Variants in TAFA1 observed in about 807,000 individuals in gnomAD.
TAFA1 encodes TAFA chemokine like family member 1.
A neutral mutation model predicts 18.5 loss-of-function variants in TAFA1; 4 were observed. That is an observed-to-expected ratio of 0.22 (90% CI 0.11 to 0.49). TAFA1 has a LOEUF of 0.49. TAFA1 is among the 20% of genes least tolerant of loss of function. The pLI is 0.98. For synonymous variants in TAFA1, 56 were observed against 55.2 expected, an observed-to-expected ratio of 1.01 and a Z score of -0.06; for missense variants, 147 against 169.0, an observed-to-expected ratio of 0.87 and a Z score of 0.72.
At chr3:68,366,672 G>A (rs952270726) in intron 2 of TAFA1, among the ~76,000 whole-genome samples, 2 of 152,148 alleles carry the variant, frequency 1.3e-5, no homozygotes, top group African/African-American at 4.8e-5. Flanking sequence ...TCCAGCTTTG[G>A]ACTCGGGACA....
intron 2 of TAFA1, among the ~76,000 whole-genome samples, chr3:68,029,102 T>C (rs76574215): frequency 0.019 from 2,838 of 152,216 alleles, 98 homozygotes; most frequent in African/African-American, 0.065. Flanking sequence ...GCCACCTAGA[T>C]AATCAAGGGT....
At chr3:68,436,126 AC>A (rs138443155) in intron 3 of TAFA1, among the ~76,000 whole-genome samples, 2,196 of 152,290 alleles carry the variant, frequency 0.014, 64 homozygotes, top group African/African-American at 0.05. Flanking sequence ...CTTGCTGAAA[AC>A]AAAATTATTT....
At chr3:68,429,491 A>G (rs1203364452) in intron 3 of TAFA1, among the ~76,000 whole-genome samples, 1 of 151,888 alleles carries the variant, frequency 6.6e-6, no homozygotes, top group Non-Finnish European at 1.5e-5. Flanking sequence ...TGGGCAGAAG[A>G]CAGGATCAGA....
chr3:68,388,556 T>G (rs1559646783), intron 2 of TAFA1, among the ~76,000 whole-genome samples: 1 of 150,284 alleles, frequency 6.7e-6, no homozygotes, highest in Non-Finnish European at 1.5e-5. Flanking sequence ...TTGCCACCTA[T>G]GACGTTTTTT....
intron 2 of TAFA1, among the ~76,000 whole-genome samples, chr3:68,078,093 A>G (rs2064849753): frequency 2.6e-5 from 4 of 151,990 alleles, no homozygotes; most frequent in African/African-American, 9.7e-5. Context: ...GAGTTCACTC[A>G]TGATTTGGCT....
intron 2 of TAFA1, among the ~76,000 whole-genome samples, chr3:68,019,484 C>G (rs1475246469): frequency 6.6e-6 from 1 of 152,108 alleles, no homozygotes; most frequent in African/African-American, 2.4e-5. Flanking sequence ...ATCATTCACA[C>G]TGGAAAAGAA....
At chr3:68,059,814 G>A (rs1407540492) in intron 2 of TAFA1, among the ~76,000 whole-genome samples, 3 of 152,114 alleles carry the variant, frequency 2.0e-5, no homozygotes, top group African/African-American at 7.2e-5. Flanking sequence ...ACTCATTTGG[G>A]AATTATTAAC....
intron 2 of TAFA1, among the ~76,000 whole-genome samples, chr3:68,295,643 G>C (rs1161139291): frequency 6.6e-6 from 1 of 152,134 alleles, no homozygotes; most frequent in Non-Finnish European, 1.5e-5. Flanking sequence ...GTCTTTCTCT[G>C]TCACCCAGGC....
At chr3:68,256,757 G>A (rs370708270) in intron 2 of TAFA1, among the ~76,000 whole-genome samples, 75 of 152,198 alleles carry the variant, frequency 4.9e-4, no homozygotes, top group African/African-American at 1.6e-3. Context: ...GTAATTGGGA[G>A]AAGATTGGAG....
At chr3:68,254,159 G>GTCTATCTA (rs1178300782) in intron 2 of TAFA1, among the ~76,000 whole-genome samples, 14 of 119,834 alleles carry the variant, frequency 1.2e-4, no homozygotes, top group African/African-American at 4.0e-4. Flanking sequence ...CTATCTATCT[G>GTCTATCTA]TCTATCTATC....
At chr3:68,407,620 C>A (rs1263151786) in intron 2 of TAFA1, among the ~76,000 whole-genome samples, 1 of 151,960 alleles carries the variant, frequency 6.6e-6, no homozygotes, top group Non-Finnish European at 1.5e-5. Flanking sequence ...TTAAAACAAC[C>A]CTGTAAAGTT....
At chr3:68,113,672 C>G (rs769415112) in intron 2 of TAFA1, among the ~76,000 whole-genome samples, 2 of 151,862 alleles carry the variant, frequency 1.3e-5, no homozygotes, top group African/African-American at 2.4e-5. Context: ...GTATAAAGAC[C>G]CTATGCAAGG....
At chr3:68,516,208 G>GT (rs1336489270) in intron 3 of TAFA1, among the ~76,000 whole-genome samples, 1 of 152,016 alleles carries the variant, frequency 6.6e-6, no homozygotes, top group African/African-American at 2.4e-5. Context: ...TGGAATTTAG[G>GT]GCTGAATTTA....
At chr3:68,484,096 A>C (rs937278945) in intron 3 of TAFA1, among the ~76,000 whole-genome samples, 2 of 152,262 alleles carry the variant, frequency 1.3e-5, no homozygotes, top group African/African-American at 4.8e-5. Flanking sequence ...ATACTGCTTT[A>C]CTCCAAATGC....
At chr3:68,253,205 T>A (rs1191261279) in intron 2 of TAFA1, among the ~76,000 whole-genome samples, 1 of 152,154 alleles carries the variant, frequency 6.6e-6, no homozygotes, top group South Asian at 2.1e-4. Context: ...TTAGAAAAAA[T>A]AGCTGGACAT....
At chr3:68,483,855 C>T (rs1272177181) in intron 3 of TAFA1, among the ~76,000 whole-genome samples, 2 of 152,164 alleles carry the variant, frequency 1.3e-5, no homozygotes, top group African/African-American at 4.8e-5. Context: ...TAGAAGGAAA[C>T]AATAGGAGGT....
At chr3:68,357,509 T>A (rs1348808873) in intron 2 of TAFA1, among the ~76,000 whole-genome samples, 1 of 151,924 alleles carries the variant, frequency 6.6e-6, no homozygotes, top group Non-Finnish European at 1.5e-5. Context: ...GCTAGGGTAA[T>A]AGTTGTGTAC....
At chr3:68,318,222 A>G (rs1233958307) in intron 2 of TAFA1, among the ~76,000 whole-genome samples, 1 of 152,278 alleles carries the variant, frequency 6.6e-6, no homozygotes, top group East Asian at 1.9e-4. Context: ...ACCAAGGCAA[A>G]TTGTGCCCTT....
At chr3:68,444,468 G>A (rs548140759) in intron 3 of TAFA1, among the ~76,000 whole-genome samples, 1 of 152,130 alleles carries the variant, frequency 6.6e-6, no homozygotes, top group Non-Finnish European at 1.5e-5. Flanking sequence ...CCTGGGAATT[G>A]TAGCTCTTGG....
Sources: gnomAD v4.1 joint callset for allele counts (sites outside exome capture counted in the v4.1 genomes callset) on GRCh38, gnomAD v4.1.1 for gene constraint, MANE v1.5 for transcripts, NCBI Gene and HGNC (gene_info 2026-07-23, HGNC 2026-07-21) for gene names.